DAB1: variants seen among roughly 807,000 people sequenced by gnomAD.
DAB1 encodes the protein disabled homolog 1.
A neutral mutation model predicts 64.6 loss-of-function variants in DAB1; 15 were observed. The observed-to-expected ratio is 0.23, with a 90% confidence interval of 0.16 to 0.36. The LOEUF (loss-of-function observed/expected upper bound fraction) is 0.36. DAB1 is among the 10% of genes least tolerant of loss of function. The pLI, the probability that DAB1 is intolerant of heterozygous loss-of-function variation, is 1.00. For missense variants in DAB1, 596 were observed against 706.7 expected (o/e 0.84, Z 1.78); for synonymous variants, 235 against 251.9 (o/e 0.93, Z 0.64).
At chr1:57,207,655 G>A (rs756853156) in intron 2 of DAB1, among the ~76,000 whole-genome samples, 6 of 149,936 alleles carry the variant, frequency 4.0e-5, no homozygotes, top group South Asian at 4.2e-4. Flanking sequence ...GTTTTTAGCC[G>A]GGATGGTCTT....
rs756849681 is a variant in DAB1 at position 57,071,626 on chromosome 1, G to A, written c.454C>T (p.Leu152=). ...KTAQAAEPVI[L]DLRDLFQLIY... ...AGTTGAAAGAGATCTCTCAAGTCCA[G>A]AATAACAGGTTCAGCCTGGGATGAA... The change falls in exon 6 of 15, where the codon CTG becomes TTG. Residue 152 remains leucine (L), a synonymous_variant. Transcript: ENST00000371236. 1 of 1,613,300 alleles carries A rather than the reference G, an allele frequency of 6.2e-7. No individual in the cohort carries two copies.
intron 7 of DAB1, among the ~76,000 whole-genome samples, chr1:57,535,017 G>A (rs1644709488): frequency 2.0e-5 from 3 of 152,106 alleles, no homozygotes; most frequent in Admixed American, 1.3e-4. Context: ...TCATCCCCAA[G>A]CCTCTTGCAT....
At chr1:57,550,405 A>G (rs1473986982) in intron 7 of DAB1, among the ~76,000 whole-genome samples, 1 of 152,148 alleles carries the variant, frequency 6.6e-6, no homozygotes, top group Non-Finnish European at 1.5e-5. Flanking sequence ...ATTCTATACC[A>G]TTTGTTGCTA....
intron 5 of DAB1, among the ~76,000 whole-genome samples, chr1:57,940,280 T>G (rs1328569165): frequency 2.0e-5 from 3 of 152,142 alleles, no homozygotes; most frequent in Admixed American, 2.0e-4. Context: ...TGTGTTGGAG[T>G]CACTGTTTCA....
At chr1:57,657,327 AT>A (rs1410017303) in intron 6 of DAB1, among the ~76,000 whole-genome samples, 1 of 152,310 alleles carries the variant, frequency 6.6e-6, no homozygotes, top group African/African-American at 2.4e-5. Context: ...ATTATATCTA[AT>A]ATTCTAATTT....
intron 7 of DAB1, among the ~76,000 whole-genome samples, chr1:57,470,356 C>T (rs544990793): frequency 6.6e-6 from 1 of 152,312 alleles, no homozygotes; most frequent in East Asian, 1.9e-4. Context: ...GTTCTTATTT[C>T]AGTCAGAACT....
intron 1 of DAB1, among the ~76,000 whole-genome samples, chr1:57,378,061 G>A (rs1478973653): frequency 6.6e-6 from 1 of 152,120 alleles, no homozygotes; most frequent in East Asian, 1.9e-4. Context: ...TCCCCTGCTG[G>A]CCAAATGAAC....
chr1:58,467,923 G>A (rs1430440445), intron 3 of DAB1: 3 of 149,478 alleles, frequency 2.0e-5, no homozygotes, highest in Middle Eastern at 6.9e-3. Context: ...TGGTTTTTTT[G>A]TTTGTTTGTT....
At chr1:58,428,049 A>C (rs1261963217) in intron 3 of DAB1, among the ~76,000 whole-genome samples, 1 of 152,268 alleles carries the variant, frequency 6.6e-6, no homozygotes, top group Non-Finnish European at 1.5e-5. Context: ...AGACAAAATA[A>C]TTAAGCATTT....
intron 5 of DAB1, among the ~76,000 whole-genome samples, chr1:58,023,201 T>C (rs1016256055): frequency 1.1e-4 from 17 of 151,918 alleles, no homozygotes; most frequent in Admixed American, 5.3e-4. Flanking sequence ...AAAATAAACC[T>C]CTCCAATACC....
At chr1:57,418,103 T>C (rs1684628240) in intron 1 of DAB1, among the ~76,000 whole-genome samples, 1 of 152,194 alleles carries the variant, frequency 6.6e-6, no homozygotes, top group Admixed American at 6.5e-5. Flanking sequence ...CAATTGCATC[T>C]TGGTACTCTT....
At chr1:57,192,951 T>A (rs1452382294) in intron 2 of DAB1, among the ~76,000 whole-genome samples, 2 of 152,170 alleles carry the variant, frequency 1.3e-5, no homozygotes, top group East Asian at 3.9e-4. Flanking sequence ...CAGATCAAAG[T>A]TATATATATT....
intron 7 of DAB1, among the ~76,000 whole-genome samples, chr1:57,523,737 C>T (rs1208789480): frequency 2.6e-5 from 4 of 151,982 alleles, no homozygotes; most frequent in African/African-American, 9.7e-5. Flanking sequence ...GCCTGGCCAA[C>T]ATAGTGAAAT....
intron 2 of DAB1, among the ~76,000 whole-genome samples, chr1:57,268,771 C>A (rs1014556629): frequency 6.6e-6 from 1 of 152,150 alleles, no homozygotes; most frequent in African/African-American, 2.4e-5. Flanking sequence ...AAGTAGCTTG[C>A]GGAGCTAGGA....
chr1:58,093,138 G>A (rs557088204), intron 5 of DAB1, among the ~76,000 whole-genome samples: 3 of 152,096 alleles, frequency 2.0e-5, no homozygotes, highest in South Asian at 2.1e-4. Context: ...AACTATACTC[G>A]TCACTCAAAA....
chr1:57,985,342 T>C (rs1021140556), intron 5 of DAB1, among the ~76,000 whole-genome samples: 1 of 152,150 alleles, frequency 6.6e-6, no homozygotes, highest in Non-Finnish European at 1.5e-5. Context: ...AGACAGGAAA[T>C]GTGGTATTTA....
chr1:57,452,359 C>T (rs1686416664), intron 7 of DAB1, among the ~76,000 whole-genome samples: 1 of 151,948 alleles, frequency 6.6e-6, no homozygotes, highest in Admixed American at 6.6e-5. Context: ...TGAATTCTAG[C>T]TTACTCTTTA....
intron 3 of DAB1, among the ~76,000 whole-genome samples, chr1:58,351,897 A>G (rs995370147): frequency 6.8e-6 from 1 of 147,886 alleles, no homozygotes; most frequent in Non-Finnish European, 1.5e-5. Flanking sequence ...CGGTGAGTCT[A>G]GGTAACCTCA....
chr1:57,630,834 A>C (rs746339417), intron 7 of DAB1, among the ~76,000 whole-genome samples: 9 of 152,218 alleles, frequency 5.9e-5, no homozygotes, highest in Non-Finnish European at 1.2e-4. Context: ...CTGTAGAGAA[A>C]GATCAACAAT....
Sources: gnomAD v4.1 joint callset for allele counts (sites outside exome capture counted in the v4.1 genomes callset) on GRCh38, gnomAD v4.1.1 for gene constraint, MANE v1.5 for transcripts, NCBI Gene and HGNC (gene_info 2026-07-23, HGNC 2026-07-21) for gene names.